CIB1: variants seen among roughly 807,000 people sequenced by gnomAD.
CIB1 encodes calcium and integrin binding 1.
In CIB1, 19 loss-of-function variants were observed where a neutral mutation model predicts 25.0. The ratio of observed to expected loss-of-function variants is 0.76; its 90% CI spans 0.53 to 1.12. The LOEUF (loss-of-function observed/expected upper bound fraction) is 1.12. CIB1 is among the 50% of genes most tolerant of loss of function. The pLI, the probability that CIB1 is intolerant of heterozygous loss-of-function variation, is 0.00. For synonymous variants in CIB1, 104 were observed against 98.5 expected (o/e 1.06, Z -0.33); for missense variants, 236 against 242.6 (o/e 0.97, Z 0.18).
chr15:90,240,886 T>C, the CIB1 span: 1 of 1,553,550 alleles, frequency 6.4e-7, no homozygotes, highest in South Asian at 1.1e-5. Flanking sequence ...TTTCATCTTT[T>C]ATGACTATTT....
chr15:90,255,936 C>T, the CIB1 span: 13 of 1,612,426 alleles, frequency 8.1e-6, no homozygotes, highest in Middle Eastern at 1.6e-4. Context: ...GGAAAAGGGT[C>T]GCTCTCAGAG....
At position 90,231,376 on chromosome 15, in the gene CIB1, A is replaced by G. The variant is rs769989187; in HGVS notation, c.327T>C (p.His109=). 1.3e-5 allele frequency: 21 copies of G among 1,614,060 alleles called. No individual in the cohort carries two copies. The Admixed American group carries it at 1.3e-4, about 10-fold the overall frequency. ...TCTCACCAAAGATGCGGAAGGCATA[A>G]TGGGACTTGATGTCTGGCGTGGCTG... ...SDTATPDIKS[H]YAFRIFDFDD... Residue 109 remains histidine, a synonymous_variant, in exon 4 of 7, where the codon CAT becomes CAC. Coordinates refer to ENST00000328649, the MANE Select transcript of CIB1 (RefSeq NM_006384.4).
At chr15:90,259,755 A>C in the CIB1 span, among the ~76,000 whole-genome samples, 2 of 152,242 alleles carry the variant, frequency 1.3e-5, no homozygotes, top group Non-Finnish European at 2.9e-5. Context: ...AGAAACACAG[A>C]AAACAGTTTA....
chr15:90,265,056 C>G, the CIB1 span: 3 of 1,418,320 alleles, frequency 2.1e-6, no homozygotes, highest in Non-Finnish European at 1.9e-6. Context: ...TGACTGCCAC[C>G]AAGTTCCACT....
upstream of CIB1, chr15:90,234,279 C>A (rs1596173965): frequency 5.4e-6 from 1 of 184,620 alleles, no homozygotes; most frequent in African/African-American, 2.3e-5. Context: ...CGAGGTGCAT[C>A]CGCTTCGGCT....
the CIB1 span, chr15:90,250,574 G>A: frequency 1.3e-6 from 2 of 1,561,626 alleles, no homozygotes; most frequent in East Asian, 4.5e-5. Flanking sequence ...CCTGAGGGAG[G>A]TCTGAGGTCT....
the CIB1 span, chr15:90,264,642 T>C: frequency 6.7e-7 from 1 of 1,482,964 alleles, no homozygotes; most frequent in South Asian, 1.3e-5. Flanking sequence ...GTGTTGGTAA[T>C]TGGGCCACAG....
chr15:90,234,211 A>G (rs8028260), upstream of CIB1: 37,556 of 275,510 alleles, frequency 0.14, 3,769 homozygotes, highest in African/African-American at 0.24. Flanking sequence ...CTGGCTGCGT[A>G]TGCGTCACGG....
chr15:90,262,055 T>C, the CIB1 span: 16 of 1,535,868 alleles, frequency 1.0e-5, no homozygotes, highest in South Asian at 1.5e-4. Context: ...CCAGGAACGA[T>C]ATGAGGATTC....
chr15:90,261,241 G>A, the CIB1 span, among the ~76,000 whole-genome samples: 70 of 151,634 alleles, frequency 4.6e-4, no homozygotes, highest in African/African-American at 1.6e-3. Flanking sequence ...ACCAAGCCCA[G>A]ATAATTTTTG....
At chr15:90,241,782 A>AC in the CIB1 span, 9 of 1,614,152 alleles carry the variant, frequency 5.6e-6, no homozygotes, top group Non-Finnish European at 7.6e-6. Flanking sequence ...CTTGTTTGTC[A>AC]CCCGGGGAGC....
At chr15:90,262,475 C>A in the CIB1 span, 1 of 1,465,304 alleles carries the variant, frequency 6.8e-7, no homozygotes, top group Non-Finnish European at 9.0e-7. Flanking sequence ...CTGTCTGAAG[C>A]TGCTGTGTCT....
chr15:90,264,964 G>T, the CIB1 span: 7 of 1,534,140 alleles, frequency 4.6e-6, no homozygotes, highest in Non-Finnish European at 5.2e-6. Flanking sequence ...ATCAGTTCAG[G>T]TAAAAGCAGG....
the CIB1 span, chr15:90,264,882 G>A: frequency 2.6e-6 from 4 of 1,535,984 alleles, no homozygotes; most frequent in East Asian, 2.4e-5. Context: ...TCTGAACACA[G>A]AGCAGCCAAG....
At chr15:90,253,216 A>G in the CIB1 span, 4 of 1,578,130 alleles carry the variant, frequency 2.5e-6, no homozygotes, top group Middle Eastern at 1.7e-4. Flanking sequence ...GCTGGTGTCC[A>G]TGCTGGCACT....
At chr15:90,262,684 G>A in the CIB1 span, 2 of 1,467,332 alleles carry the variant, frequency 1.4e-6, no homozygotes, top group African/African-American at 2.8e-5. Flanking sequence ...CAGGGGTTTT[G>A]TAGCTCTTAT....
chr15:90,265,657 C>A, the CIB1 span: 4 of 1,600,898 alleles, frequency 2.5e-6, no homozygotes, highest in Non-Finnish European at 3.4e-6. Context: ...CCGGTCTTAC[C>A]CGGCTACTTC....
chr15:90,232,184 G>T (rs1198795379), intron 3 of CIB1, 35 bp downstream of exon 3: 2 of 1,531,408 alleles, frequency 1.3e-6, no homozygotes, highest in Non-Finnish European at 1.8e-6. Flanking sequence ...GGAGGGAGTG[G>T]TGGGAGAGGT....
At chr15:90,241,733 G>A in the CIB1 span, 1 of 1,614,218 alleles carries the variant, frequency 6.2e-7, no homozygotes, top group Non-Finnish European at 8.5e-7. Flanking sequence ...GGGTATGTCG[G>A]GCCACTGATT....
Sources: allele counts gnomAD v4.1 joint callset (sites outside exome capture counted in the v4.1 genomes callset), GRCh38; gene constraint gnomAD v4.1.1; transcripts MANE v1.5; gene names NCBI Gene and HGNC (gene_info 2026-07-23, HGNC 2026-07-21).